The following ZC3H12B variants were observed in gnomAD, a reference collection of about 807,000 sequenced individuals.
The protein encoded by ZC3H12B is probable ribonuclease ZC3H12B.
ZC3H12B carries 7 observed loss-of-function variants against 43.9 expected under a neutral mutation model. The observed-to-expected ratio is 0.16, with a 90% confidence interval of 0.09 to 0.30. ZC3H12B has a LOEUF of 0.30. Among genes scored for constraint, ZC3H12B ranks in the 10% least tolerant of loss-of-function variants. The probability of loss-of-function intolerance (pLI) is 1.00; values close to 1 mark genes in which losing one functional copy is unlikely to be tolerated. For missense variants in ZC3H12B, 475 were observed against 670.2 expected, an observed-to-expected ratio of 0.71 and a Z score of 3.22; for synonymous variants, 222 against 241.7, an observed-to-expected ratio of 0.92 and a Z score of 0.76.
the ZC3H12B span, among the ~76,000 whole-genome samples, chrX:65,146,648 G>A: frequency 9.0e-6 from 1 of 111,430 alleles, no homozygotes; most frequent in Middle Eastern, 4.2e-3. Flanking sequence ...TGTCTCATGG[G>A]GTGTTCCTTT....
the ZC3H12B span, among the ~76,000 whole-genome samples, chrX:65,194,785 T>C: frequency 8.9e-6 from 1 of 112,274 alleles, no homozygotes; most frequent in Non-Finnish European, 1.9e-5. Context: ...TCTCCAGTTA[T>C]TATTGTATTG....
At chrX:65,419,317 C>T (rs1182674010) in intron 3 of ZC3H12B, among the ~76,000 whole-genome samples, 2 of 111,571 alleles carry the variant, frequency 1.8e-5, no homozygotes, top group African/African-American at 3.3e-5. Context: ...GCCACCATCA[C>T]GGAATTAAAA....
the ZC3H12B span, among the ~76,000 whole-genome samples, chrX:65,309,584 C>T: frequency 8.9e-6 from 1 of 111,896 alleles, no homozygotes; most frequent in Non-Finnish European, 1.9e-5. Context: ...GGAGCTGGTA[C>T]CATTCCTTCT....
the ZC3H12B span, among the ~76,000 whole-genome samples, chrX:65,213,046 C>G: frequency 9.2e-6 from 1 of 108,430 alleles, no homozygotes; most frequent in South Asian, 3.9e-4. Context: ...ATTCCCTACT[C>G]TCTTCTCCAC....
At chrX:65,348,824 C>G in the ZC3H12B span, among the ~76,000 whole-genome samples, 1 of 111,257 alleles carries the variant, frequency 9.0e-6, no homozygotes, top group Non-Finnish European at 1.9e-5. Context: ...AGCTAACTAC[C>G]CTAAATATAT....
chrX:65,121,244 C>T, the ZC3H12B span, among the ~76,000 whole-genome samples: 4 of 111,418 alleles, frequency 3.6e-5, no homozygotes, highest in Non-Finnish European at 5.7e-5. Context: ...CCTCCTTTTA[C>T]CTCTGGTGGA....
the ZC3H12B span, among the ~76,000 whole-genome samples, chrX:65,305,771 A>G: frequency 8.9e-5 from 10 of 112,092 alleles, no homozygotes; most frequent in African/African-American, 2.6e-4. Flanking sequence ...GGGTTAATAA[A>G]TGGGTGATAT....
chrX:65,055,565 C>G, the ZC3H12B span, among the ~76,000 whole-genome samples: 1 of 111,752 alleles, frequency 8.9e-6, no homozygotes, highest in South Asian at 3.8e-4. Flanking sequence ...TGTTTTGTCT[C>G]TGCCAGGCTT....
the ZC3H12B span, among the ~76,000 whole-genome samples, chrX:65,322,339 T>C: frequency 2.3e-3 from 263 of 112,117 alleles, 1 homozygote; most frequent in African/African-American, 8.1e-3. Flanking sequence ...AGGCCTCAAC[T>C]CCAATATTGG....
the ZC3H12B span, among the ~76,000 whole-genome samples, chrX:65,306,475 C>A: frequency 4.5e-5 from 5 of 111,087 alleles, no homozygotes; most frequent in Admixed American, 3.8e-4. Context: ...TGGGTTCTAG[C>A]AATTCTCCTG....
chrX:65,296,089 A>T, the ZC3H12B span, among the ~76,000 whole-genome samples: 1 of 112,260 alleles, frequency 8.9e-6, no homozygotes, highest in Non-Finnish European at 1.9e-5. Context: ...ATTTGCAATT[A>T]CAAAAATAGG....
chrX:65,340,980 A>G, the ZC3H12B span, among the ~76,000 whole-genome samples: 2 of 112,441 alleles, frequency 1.8e-5, no homozygotes, highest in East Asian at 5.6e-4. Flanking sequence ...CCAGGAGCTT[A>G]CAGACAAAAT....
chrX:65,472,862 T>TATATA (rs2067938953), intron 3 of ZC3H12B, among the ~76,000 whole-genome samples: 1 of 70,922 alleles, frequency 1.4e-5, no homozygotes, highest in African/African-American at 6.3e-5. Context: ...ATATATATGT[T>TATATA]TGTGTATATA....
At chrX:65,399,742 G>T (rs2066741759) in intron 3 of ZC3H12B, among the ~76,000 whole-genome samples, 1 of 112,039 alleles carries the variant, frequency 8.9e-6, no homozygotes, top group Admixed American at 9.5e-5. Flanking sequence ...CATGTTTATT[G>T]TAGCCCTATG....
chrX:65,301,175 A>G, the ZC3H12B span, among the ~76,000 whole-genome samples: 1 of 108,718 alleles, frequency 9.2e-6, no homozygotes, highest in African/African-American at 3.3e-5. Context: ...ATAAAAATTT[A>G]AAAAAAAAAT....
At chrX:65,447,770 G>A (rs1214335989) in intron 3 of ZC3H12B, among the ~76,000 whole-genome samples, 3 of 111,349 alleles carry the variant, frequency 2.7e-5, no homozygotes, top group African/African-American at 9.8e-5. Flanking sequence ...CCATCAAAAA[G>A]TGGACAAATG....
chrX:65,243,038 G>A, the ZC3H12B span, among the ~76,000 whole-genome samples: 78 of 111,589 alleles, frequency 7.0e-4, no homozygotes, highest in African/African-American at 2.4e-3. Flanking sequence ...GAAAACACTG[G>A]GGCAATTCCC....
the ZC3H12B span, among the ~76,000 whole-genome samples, chrX:65,053,017 T>C: frequency 8.9e-6 from 1 of 111,775 alleles, no homozygotes; most frequent in Non-Finnish European, 1.9e-5. Flanking sequence ...GATTTGCATT[T>C]CTCTGATGAT....
intron 3 of ZC3H12B, among the ~76,000 whole-genome samples, chrX:65,430,261 A>G (rs1329458817): frequency 9.0e-6 from 1 of 110,987 alleles, no homozygotes; most frequent in Non-Finnish European, 1.9e-5. Context: ...TGGGCTCACA[A>G]GGGGATCTCC....
Sources: allele counts gnomAD v4.1 joint callset (sites outside exome capture counted in the v4.1 genomes callset), GRCh38; gene constraint gnomAD v4.1.1; transcripts MANE v1.5; gene names NCBI Gene and HGNC (gene_info 2026-07-23, HGNC 2026-07-21).